Variants in FHIT observed in about 807,000 individuals in gnomAD.
FHIT encodes the protein fragile histidine triad diadenosine triphosphatase.
A neutral mutation model predicts 17.9 loss-of-function variants in FHIT; 19 were observed. The ratio of observed to expected loss-of-function variants is 1.06; its 90% CI spans 0.74 to 1.56. The LOEUF (loss-of-function observed/expected upper bound fraction) is 1.56, where lower values mean the gene tolerates loss of function less well. Among genes scored for constraint, FHIT ranks in the 40% most tolerant of loss-of-function variants. The pLI is 0.00. For synonymous variants in FHIT, 81 were observed against 69.7 expected, an observed-to-expected ratio of 1.16 and a Z score of -0.81; for missense variants, 248 against 189.2, an observed-to-expected ratio of 1.31 and a Z score of -1.82.
chr3:60,573,092 A>G (rs1181594345), intron 4 of FHIT, among the ~76,000 whole-genome samples: 1 of 152,180 alleles, frequency 6.6e-6, no homozygotes, highest in Admixed American at 6.5e-5. Flanking sequence ...GCCAAAGTTT[A>G]GACTCTTCAC....
chr3:61,153,619 C>A (rs887143041), intron 2 of FHIT, among the ~76,000 whole-genome samples: 1 of 152,076 alleles, frequency 6.6e-6, no homozygotes, highest in Non-Finnish European at 1.5e-5. Context: ...AAAGTAAAAT[C>A]AAAAATCCTT....
chr3:59,863,543 C>T (rs933331549), intron 8 of FHIT, among the ~76,000 whole-genome samples: 2 of 152,156 alleles, frequency 1.3e-5, no homozygotes, highest in East Asian at 3.8e-4. Context: ...CCTGAGTGAC[C>T]ATAAACCCAA....
chr3:60,673,369 C>A (rs1237463188), intron 4 of FHIT, among the ~76,000 whole-genome samples: 2 of 152,100 alleles, frequency 1.3e-5, no homozygotes, highest in Non-Finnish European at 2.9e-5. Flanking sequence ...TTTGCAGGGG[C>A]ATGGATAGAG....
rs182686576 is a variant in FHIT at position 60,792,247 on chromosome 3, T to G, written c.-18+29672A>C. On this transcript the variant is annotated intron_variant, in intron 4 of 9. Coordinates refer to ENST00000492590, the MANE Select transcript of FHIT (RefSeq NM_002012.4). ...CAAAGAGAAAACACTCCGCTATTGA[T>G]GACAGGAGAGGGCTTTTTTTGTAAG... Among the ~76,000 whole-genome samples the G allele has an allele frequency of 1.5e-4, 23 of 152,356 alleles. 1 individual carries two copies. Among genetic ancestry groups the G allele is most frequent in the African/African-American group, 4.1e-4 (17 of 41,590 alleles).
At chr3:61,050,625 C>T (rs941364781) in intron 2 of FHIT, among the ~76,000 whole-genome samples, 8 of 151,940 alleles carry the variant, frequency 5.3e-5, no homozygotes, top group African/African-American at 1.5e-4. Flanking sequence ...TGCTTTAATG[C>T]GCTCAAGCAA....
intron 2 of FHIT, among the ~76,000 whole-genome samples, chr3:61,092,744 A>C (rs983499561): frequency 1.3e-5 from 2 of 152,222 alleles, no homozygotes; most frequent in Admixed American, 6.5e-5. Context: ...ATTTATGCTC[A>C]TAAATTAGGG....
chr3:60,741,025 G>T (rs906599740), intron 4 of FHIT, among the ~76,000 whole-genome samples: 1 of 152,018 alleles, frequency 6.6e-6, no homozygotes, highest in Non-Finnish European at 1.5e-5. Context: ...TATTAACCCA[G>T]AAAAAAAGTC....
chr3:59,755,139 C>T (rs1449061864), intron 8 of FHIT, among the ~76,000 whole-genome samples: 1 of 152,182 alleles, frequency 6.6e-6, no homozygotes, highest in Non-Finnish European at 1.5e-5. Context: ...TGCTTGTGAT[C>T]CTATCAACAG....
rs115453731 is a variant in FHIT, at chr3:60,142,462, C to A, written c.104-128310G>T. On this transcript the variant is annotated intron_variant, in intron 5 of 9. Transcript: ENST00000492590. ...TTTATTTATATATTTCTTCTTGAACCAGAAAAGATGCCAGGCTATTTATTT... is the reference window on the plus strand; with the variant it reads ...TTTATTTATATATTTCTTCTTGAACAAGAAAAGATGCCAGGCTATTTATTT... Among the ~76,000 whole-genome samples the A allele has an allele frequency of 2.4e-3, 360 of 151,882 alleles. 2 individuals are homozygous for A. Among genetic ancestry groups the A allele is most frequent in the African/African-American group, 8.2e-3 (338 of 41,430 alleles).
intron 8 of FHIT, among the ~76,000 whole-genome samples, chr3:59,810,440 CT>C (rs973306673): frequency 3.3e-5 from 5 of 152,160 alleles, no homozygotes; most frequent in Admixed American, 2.6e-4. Flanking sequence ...AGCTGGCCCC[CT>C]ATCTTAATTA....
intron 8 of FHIT, among the ~76,000 whole-genome samples, chr3:59,822,626 A>G (rs1700836258): frequency 6.6e-6 from 1 of 151,670 alleles, no homozygotes; most frequent in Non-Finnish European, 1.5e-5. Context: ...TTACATCCTT[A>G]GCCCACTTTT....
chr3:61,184,681 T>A (rs187567238), intron 2 of FHIT, among the ~76,000 whole-genome samples: 34 of 152,156 alleles, frequency 2.2e-4, no homozygotes, highest in African/African-American at 7.2e-4. Flanking sequence ...ATTCCACACA[T>A]CTCTCCATGG....
At chr3:59,803,823 G>T (rs1700093517) in intron 8 of FHIT, among the ~76,000 whole-genome samples, 1 of 151,856 alleles carries the variant, frequency 6.6e-6, no homozygotes. Context: ...TCAAAGAAGG[G>T]ATAAAATAAA....
In FHIT at chr3:60,366,417, G is replaced by C. The variant is rs976730433; in HGVS notation, c.103+170443C>G. Among the ~76,000 whole-genome samples, 12 of 152,296 alleles carry C rather than the reference G, an allele frequency of 7.9e-5. No individual in the cohort carries two copies. In the South Asian group the frequency reaches 2.5e-3, roughly 32 times the overall value. ...TGGGATTATAGGCATGAGGCACAGT[G>C]CCCAGCCTGCTAACCCCTTTTCACA... is the stretch of plus-strand genomic sequence containing the variant. On this transcript the variant is annotated intron_variant, in intron 5 of 9. Coordinates refer to ENST00000492590, the MANE Select transcript of FHIT (RefSeq NM_002012.4).
intron 4 of FHIT, among the ~76,000 whole-genome samples, chr3:60,710,198 G>C (rs782704705): frequency 1.7e-4 from 26 of 151,994 alleles, no homozygotes; most frequent in Non-Finnish European, 3.2e-4. Context: ...GTGCATGGCA[G>C]TGAAAAATGA....
chr3:60,751,701 G>A (rs186736104), intron 4 of FHIT, among the ~76,000 whole-genome samples: 5 of 152,122 alleles, frequency 3.3e-5, no homozygotes, highest in Non-Finnish European at 7.4e-5. Flanking sequence ...TCTCTGAAAG[G>A]CAGGGTAGCA....
At chr3:59,757,281 C>T (rs1701266597) in intron 8 of FHIT, among the ~76,000 whole-genome samples, 1 of 152,172 alleles carries the variant, frequency 6.6e-6, no homozygotes, top group African/African-American at 2.4e-5. Flanking sequence ...GATGGCCTCT[C>T]CAAGCAAATT....
At chr3:60,017,587 C>T (rs747830312) in intron 5 of FHIT, among the ~76,000 whole-genome samples, 5 of 152,256 alleles carry the variant, frequency 3.3e-5, no homozygotes, top group Non-Finnish European at 5.9e-5. Context: ...GACCTTCTCA[C>T]AACACATGAT....
intron 5 of FHIT, among the ~76,000 whole-genome samples, chr3:60,120,563 T>C (rs1041686835): frequency 1.3e-5 from 2 of 152,306 alleles, no homozygotes; most frequent in East Asian, 1.9e-4. Context: ...CAGCGAGGAC[T>C]GGAGTATAAA....
Sources: allele counts gnomAD v4.1 joint callset (sites outside exome capture counted in the v4.1 genomes callset), GRCh38; gene constraint gnomAD v4.1.1; transcripts MANE v1.5; gene names NCBI Gene and HGNC (gene_info 2026-07-23, HGNC 2026-07-21).